ROBO2: variants seen among roughly 807,000 people sequenced by gnomAD.
The protein encoded by ROBO2 is roundabout homolog 2.
A neutral mutation model predicts 160.8 loss-of-function variants in ROBO2; 53 were observed. That is an observed-to-expected ratio of 0.33 (90% CI 0.26 to 0.41). The LOEUF (loss-of-function observed/expected upper bound fraction) is 0.41, where lower values mean the gene tolerates loss of function less well. Ranked by LOEUF, ROBO2 falls within the 10% of genes least tolerant of loss-of-function variation. ROBO2 has a pLI of 1.00. For missense variants in ROBO2, 1,577 were observed against 1,722.4 expected (o/e 0.92, Z 1.49); for synonymous variants, 664 against 611.7 (o/e 1.09, Z -1.26).
At chr3:77,462,457 C>T (rs2153572768) in intron 2 of ROBO2, among the ~76,000 whole-genome samples, 1 of 152,264 alleles carries the variant, frequency 6.6e-6, no homozygotes, top group African/African-American at 2.4e-5. Flanking sequence ...TTACTAGCAT[C>T]CTACAGATAT....
chr3:77,513,555 G>A (rs2089656230), intron 5 of ROBO2, among the ~76,000 whole-genome samples: 1 of 151,676 alleles, frequency 6.6e-6, no homozygotes, highest in East Asian at 1.9e-4. Flanking sequence ...CTTTTGAAGT[G>A]CTTTTAAGAT....
At chr3:75,910,419 T>A (rs548060214) in intron 1 of ROBO2, among the ~76,000 whole-genome samples, 1 of 152,210 alleles carries the variant, frequency 6.6e-6, no homozygotes, top group Non-Finnish European at 1.5e-5. Flanking sequence ...TTTTTGAACA[T>A]CCTTTCTTAA....
At chr3:76,161,357 T>G (rs1471870102) in intron 2 of ROBO2, among the ~76,000 whole-genome samples, 3 of 152,346 alleles carry the variant, frequency 2.0e-5, no homozygotes, top group East Asian at 1.9e-4. Context: ...GGAATTGTTT[T>G]ATTTTCTATT....
intron 2 of ROBO2, among the ~76,000 whole-genome samples, chr3:76,682,417 A>G (rs1210443726): frequency 3.4e-5 from 3 of 87,210 alleles, no homozygotes; most frequent in East Asian, 1.2e-3. Flanking sequence ...GTCTATTAAA[A>G]ATTTCTTTTG....
At chr3:76,130,564 A>G (rs1291787870) in intron 2 of ROBO2, among the ~76,000 whole-genome samples, 1 of 152,132 alleles carries the variant, frequency 6.6e-6, no homozygotes, top group East Asian at 1.9e-4. Flanking sequence ...TCATATTATC[A>G]TATCTGTATT....
intron 2 of ROBO2, among the ~76,000 whole-genome samples, chr3:76,871,122 T>A (rs148538328): frequency 1.3e-5 from 2 of 152,336 alleles, no homozygotes; most frequent in Admixed American, 1.3e-4. Flanking sequence ...TTTGCTCTTG[T>A]CAGGCACAAG....
Position 77,561,896 on chromosome 3 carries a change from G to A in ROBO2, c.1438-755G>A, listed in dbSNP as rs558465166. ...AGGCAGGCGGGTCACCTGAGGTCAA[G>A]AGTTCGAGACCAGCCTGACCAACAT... On this transcript the variant is annotated intron_variant, in intron 9 of 25. Transcript: ENST00000461745. 3.9e-5 allele frequency among the ~76,000 whole-genome samples: 6 copies of A among 152,176 alleles called. No individual in the cohort carries two copies. The East Asian group carries it at 1.2e-3, about 30-fold the overall frequency.
chr3:76,313,284 G>C (rs1161254450), intron 2 of ROBO2, among the ~76,000 whole-genome samples: 2 of 152,192 alleles, frequency 1.3e-5, no homozygotes, highest in Non-Finnish European at 2.9e-5. Context: ...GCCTCGCCTT[G>C]ATATGCATAT....
intron 2 of ROBO2, among the ~76,000 whole-genome samples, chr3:76,180,656 A>G (rs1701461490): frequency 6.6e-6 from 1 of 152,128 alleles, no homozygotes; most frequent in African/African-American, 2.4e-5. Context: ...ATTTCAAGCC[A>G]AGCTAATTTC....
At chr3:76,473,766 AAAAG>A (rs1288523777) in intron 2 of ROBO2, among the ~76,000 whole-genome samples, 4 of 152,180 alleles carry the variant, frequency 2.6e-5, no homozygotes, top group African/African-American at 9.6e-5. Flanking sequence ...AGAAATGTAA[AAAAG>A]AATGAGACAT....
intron 2 of ROBO2, among the ~76,000 whole-genome samples, chr3:76,867,457 A>G (rs1024022158): frequency 4.4e-4 from 67 of 152,222 alleles, no homozygotes; most frequent in African/African-American, 1.5e-3. Context: ...TTTAACTCCC[A>G]GAGTTTGGAT....
At chr3:76,894,329 C>G (rs1577313058) in intron 2 of ROBO2, among the ~76,000 whole-genome samples, 1 of 152,128 alleles carries the variant, frequency 6.6e-6, no homozygotes, top group South Asian at 2.1e-4. Context: ...TGCTGTAGAT[C>G]AGATTATTGT....
chr3:76,129,098 T>A (rs2071120570), intron 2 of ROBO2, among the ~76,000 whole-genome samples: 1 of 152,070 alleles, frequency 6.6e-6, no homozygotes, highest in Non-Finnish European at 1.5e-5. Flanking sequence ...GGGACATTTT[T>A]CTCACTAAAG....
intron 2 of ROBO2, among the ~76,000 whole-genome samples, chr3:77,339,130 A>G (rs2153449498): frequency 6.6e-6 from 1 of 152,214 alleles, no homozygotes; most frequent in East Asian, 1.9e-4. Flanking sequence ...GGAGATGCGG[A>G]CATTAAGAAA....
chr3:76,724,434 T>C (rs2093515054), intron 2 of ROBO2, among the ~76,000 whole-genome samples: 1 of 152,256 alleles, frequency 6.6e-6, no homozygotes, highest in East Asian at 1.9e-4. Context: ...CTTCAGATTA[T>C]TGACAGTACC....
chr3:76,042,302 T>C (rs1247780100), intron 2 of ROBO2, among the ~76,000 whole-genome samples: 1 of 152,004 alleles, frequency 6.6e-6, no homozygotes, highest in Non-Finnish European at 1.5e-5. Flanking sequence ...CTAATAGTTG[T>C]CTTTTTGAAA....
intron 2 of ROBO2, among the ~76,000 whole-genome samples, chr3:76,909,992 T>C (rs1028943752): frequency 1.3e-5 from 2 of 152,196 alleles, no homozygotes; most frequent in African/African-American, 4.8e-5. Context: ...GGAGATTTCA[T>C]TTCTTTCCAC....
At chr3:76,994,218 G>A (rs144816675) in intron 2 of ROBO2, among the ~76,000 whole-genome samples, 23 of 152,186 alleles carry the variant, frequency 1.5e-4, no homozygotes, top group African/African-American at 5.5e-4. Flanking sequence ...GCTGTGCCAT[G>A]TATCCAACAA....
chr3:76,042,012 G>GAC (rs2067289493), intron 2 of ROBO2, among the ~76,000 whole-genome samples: 1 of 106,106 alleles, frequency 9.4e-6, no homozygotes, highest in Non-Finnish European at 1.8e-5. Flanking sequence ...GAGAGCAAGA[G>GAC]AGAGAGAGAG....
Sources: allele counts gnomAD v4.1 joint callset (sites outside exome capture counted in the v4.1 genomes callset), GRCh38; gene constraint gnomAD v4.1.1; transcripts MANE v1.5; gene names NCBI Gene and HGNC (gene_info 2026-07-23, HGNC 2026-07-21).